The following ZNF385D variants were observed in gnomAD, a reference collection of about 807,000 sequenced individuals.
ZNF385D encodes zinc finger protein 659.
ZNF385D carries 15 observed loss-of-function variants against 35.8 expected under a neutral mutation model. The observed-to-expected ratio is 0.42, with a 90% CI of 0.28 to 0.64. ZNF385D has a LOEUF of 0.64. Among genes scored for constraint, ZNF385D ranks in the 30% least tolerant of loss-of-function variants. ZNF385D has a pLI of 0.23. For synonymous variants in ZNF385D, 212 were observed against 186.8 expected (o/e 1.13, Z -1.10); for missense variants, 474 against 494.6 (o/e 0.96, Z 0.39).
chr3:21,459,566 A>G (rs1410597681), intron 4 of ZNF385D: 2 of 152,180 alleles, frequency 1.3e-5, no homozygotes, highest in South Asian at 2.1e-4. Context: ...GGTGTGGACA[A>G]TATTGTGAAA....
intron 2 of ZNF385D, among the ~76,000 whole-genome samples, chr3:22,251,189 T>C (rs1395892625): frequency 1.3e-5 from 2 of 152,154 alleles, no homozygotes; most frequent in Non-Finnish European, 2.9e-5. Flanking sequence ...GAAAACCTGA[T>C]GTTTTAAAGT....
rs1559383390 is a variant in ZNF385D at position 22,119,988 on chromosome 3, CTTTT to C, written c.325+48825_325+48828del. On this transcript the variant is annotated intron_variant, in intron 3 of 5. Coordinates refer to the ZNF385D transcript ENST00000494108. ...TGCTCCAACATACTCAATTTTTTTT[CTTTT>C]TTCTTTTTTTTTTTTTTGGTAGAAA... Among the ~76,000 whole-genome samples, 4 of 99,574 alleles carry C rather than the reference CTTTT, an allele frequency of 4.0e-5. No individual in the cohort carries two copies. In the East Asian group the frequency reaches 1.3e-3, roughly 32 times the overall value. The allele number at this position is 99,574 out of a possible 152,430, so 65.3% of individuals were successfully genotyped here.
In ZNF385D at chr3:22,267,246, T is replaced by C. The variant is rs564677486; in HGVS notation, c.107-98211A>G. Among the ~76,000 whole-genome samples the C allele has an allele frequency of 3.3e-3, 504 of 152,004 alleles. 4 individuals carry two copies. The highest frequency in any genetic ancestry group is 0.01 in the African/African-American group (423 of 41,528). On this transcript the variant is annotated intron_variant, in intron 2 of 5. Coordinates refer to the ZNF385D transcript ENST00000494108. The stretch of plus-strand genomic sequence containing the variant: ...AAATAATTAGGTTTCAAAAGATAAA[T>C]AACATACAGAGTATAAACCAATCTA...
chr3:21,652,522 G>A (rs894937480), intron 2 of ZNF385D, among the ~76,000 whole-genome samples: 1 of 152,040 alleles, frequency 6.6e-6, no homozygotes, highest in Non-Finnish European at 1.5e-5. Context: ...TGTGCACAAT[G>A]TGCAGGTTTG....
chr3:21,949,463 A>G (rs1206790035), intron 3 of ZNF385D, among the ~76,000 whole-genome samples: 1 of 151,086 alleles, frequency 6.6e-6, no homozygotes, highest in Non-Finnish European at 1.5e-5. Context: ...ATTGAGCTCA[A>G]GTGTTTTAGG....
intron 2 of ZNF385D, among the ~76,000 whole-genome samples, chr3:21,574,260 G>T (rs2063426462): frequency 6.6e-6 from 1 of 152,030 alleles, no homozygotes; most frequent in Non-Finnish European, 1.5e-5. Flanking sequence ...AATTGTCTTT[G>T]GTCAAGAAAT....
chr3:21,542,682 C>A (rs9851117), intron 3 of ZNF385D: 50,579 of 151,900 alleles, frequency 0.33, 8,435 homozygotes, highest in African/African-American at 0.37. Flanking sequence ...CTCTAATCAG[C>A]CTGCCCACTG....
At chr3:21,852,956 A>G (rs1037543901) in intron 3 of ZNF385D, among the ~76,000 whole-genome samples, 3 of 151,876 alleles carry the variant, frequency 2.0e-5, no homozygotes, top group Non-Finnish European at 4.4e-5. Flanking sequence ...ATCAGTTTCA[A>G]TTTCTTCCAC....
intron 3 of ZNF385D, among the ~76,000 whole-genome samples, chr3:22,045,934 G>A (rs1576221041): frequency 6.6e-6 from 1 of 152,030 alleles, no homozygotes; most frequent in Non-Finnish European, 1.5e-5. Context: ...CAAGCCCCAG[G>A]TGTAGAGCTA....
intron 3 of ZNF385D, among the ~76,000 whole-genome samples, chr3:21,918,967 C>T (rs888968542): frequency 6.6e-6 from 1 of 152,172 alleles, no homozygotes; most frequent in African/African-American, 2.4e-5. Context: ...CAAATCCTTT[C>T]TACTTTTGTC....
chr3:21,904,713 A>G (rs543209992), intron 3 of ZNF385D, among the ~76,000 whole-genome samples: 1 of 152,260 alleles, frequency 6.6e-6, no homozygotes, highest in South Asian at 2.1e-4. Flanking sequence ...GTTATTGTCT[A>G]CTGCTTTGTT....
At chr3:21,429,874 A>C (rs1297301109) in intron 5 of ZNF385D, among the ~76,000 whole-genome samples, 3 of 152,114 alleles carry the variant, frequency 2.0e-5, no homozygotes, top group African/African-American at 7.2e-5. Context: ...TCAGCTTATA[A>C]ATGGGCAGTA....
At chr3:21,790,272 C>G (rs1450823248) in intron 3 of ZNF385D, among the ~76,000 whole-genome samples, 2 of 151,392 alleles carry the variant, frequency 1.3e-5, no homozygotes, top group African/African-American at 4.9e-5. Flanking sequence ...AAAAAAGTGG[C>G]TCATAAAGAT....
At chr3:21,751,261 AG>A (rs1417180732), upstream of ZNF385D, 40 of 504,192 alleles carry the variant, frequency 7.9e-5, no homozygotes, top group Non-Finnish European at 1.1e-4. Context: ...ACCCTGGGTT[AG>A]CAGCCGCTCC....
intron 2 of ZNF385D, among the ~76,000 whole-genome samples, chr3:22,173,270 T>C (rs548773923): frequency 2.3e-3 from 357 of 152,204 alleles, no homozygotes; most frequent in Admixed American, 3.1e-3. Context: ...AAATAAAACA[T>C]GGACATCGGA....
chr3:22,136,644 C>A (rs1421257918), intron 3 of ZNF385D, among the ~76,000 whole-genome samples: 1 of 152,124 alleles, frequency 6.6e-6, no homozygotes, highest in Non-Finnish European at 1.5e-5. Flanking sequence ...AACAAACAAG[C>A]ATATCGCTTT....
chr3:22,102,359 A>C (rs1283826588), intron 3 of ZNF385D, among the ~76,000 whole-genome samples: 1 of 152,108 alleles, frequency 6.6e-6, no homozygotes, highest in Non-Finnish European at 1.5e-5. Context: ...AACAGAGAGA[A>C]GCAATTAGTC....
chr3:21,963,549 G>C (rs1454065469), intron 3 of ZNF385D, among the ~76,000 whole-genome samples: 4 of 152,122 alleles, frequency 2.6e-5, no homozygotes, highest in African/African-American at 9.7e-5. Flanking sequence ...TCTGAAAAAT[G>C]AGACCAATCA....
At chr3:21,796,483 T>G (rs533010443) in intron 3 of ZNF385D, among the ~76,000 whole-genome samples, 1 of 152,286 alleles carries the variant, frequency 6.6e-6, no homozygotes, top group Non-Finnish European at 1.5e-5. Flanking sequence ...GTTCAAAATT[T>G]GAGAATTATT....
Sources: gnomAD v4.1 joint callset for allele counts (sites outside exome capture counted in the v4.1 genomes callset) on GRCh38, gnomAD v4.1.1 for gene constraint, MANE v1.5 for transcripts, NCBI Gene and HGNC (gene_info 2026-07-23, HGNC 2026-07-21) for gene names.